Variants in SHOC1 observed in about 807,000 individuals in gnomAD.
SHOC1 encodes protein shortage in chiasmata 1 ortholog.
A neutral mutation model predicts 179.2 loss-of-function variants in SHOC1; 136 were observed. The observed-to-expected ratio is 0.76, with a 90% CI of 0.66 to 0.87. The LOEUF (loss-of-function observed/expected upper bound fraction) is 0.87. Among genes scored for constraint, SHOC1 ranks in the 40% least tolerant of loss-of-function variants. The probability of loss-of-function intolerance (pLI) is 0.00; values close to 1 mark genes in which losing one functional copy is unlikely to be tolerated. For missense variants in SHOC1, 1,538 were observed against 1,700.8 expected (o/e 0.90, Z 1.68); for synonymous variants, 489 against 586.6 (o/e 0.83, Z 2.41).
At chr9:111,727,509 C>A in intron 13 of SHOC1, 124 bp downstream of exon 13, 1 of 842,962 alleles carries the variant, frequency 1.2e-6, no homozygotes, top group Non-Finnish European at 1.7e-6. Context: ...TGACATTTTC[C>A]TTGACTACAA....
chr9:111,721,403 G>C (rs897211233), intron 15 of SHOC1, among the ~76,000 whole-genome samples: 1 of 152,146 alleles, frequency 6.6e-6, no homozygotes, highest in African/African-American at 2.4e-5. Context: ...GCAGTGGTGT[G>C]ATCTCAGCTC....
rs377349215 is a variant in SHOC1, at chr9:111,722,392, C to T, written c.2131+17G>A. ...AAGCATATCTTTTTAAATAACGTGA[C>T]TTTTATTTGTACTCACCTTGGCGAA... is the stretch of plus-strand genomic sequence containing the variant. On this transcript the variant is annotated intron_variant, in intron 15 of 27. Transcript: ENST00000682961. The T allele has an allele frequency of 1.9e-5, 30 of 1,567,052 alleles. No individual in the cohort carries two copies. The highest frequency in any genetic ancestry group is 2.4e-5 in the Non-Finnish European group (28 of 1,163,948).
At chr9:111,776,220 A>T (rs1835827702) in intron 4 of SHOC1, among the ~76,000 whole-genome samples, 1 of 151,960 alleles carries the variant, frequency 6.6e-6, no homozygotes. Context: ...TGTAAAAAAA[A>T]TGAAGAATGA....
chr9:111,755,668 C>T (rs1834820268), intron 8 of SHOC1, among the ~76,000 whole-genome samples: 1 of 152,118 alleles, frequency 6.6e-6, no homozygotes, highest in Non-Finnish European at 1.5e-5. Context: ...GTGAGCCTCT[C>T]CATAGTTAAC....
chr9:111,705,178 C>CACACACACAA (rs1564111587), intron 21 of SHOC1, 69 bp downstream of exon 21: 1 of 600,040 alleles, frequency 1.7e-6, no homozygotes, highest in East Asian at 3.1e-5. Context: ...TATACACACA[C>CACACACACAA]ACACACACAC....
chr9:111,768,945 G>A (rs141391619), intron 5 of SHOC1, among the ~76,000 whole-genome samples: 11 of 152,034 alleles, frequency 7.2e-5, no homozygotes, highest in African/African-American at 2.7e-4. Context: ...CTATTTTGAT[G>A]ATGGTTTTTA....
rs548476368 is a variant in SHOC1 at position 111,748,079 on chromosome 9, T to G, written c.970+13A>C. The G allele has an allele frequency of 3.0e-5, 47 of 1,573,818 alleles. 1 individual carries two copies. The South Asian group carries it at 4.6e-4, about 15-fold the overall frequency. On this transcript the variant is annotated intron_variant, in intron 9 of 27. Transcript: ENST00000682961. Reference sequence around the variant, plus strand: ...AATCCCCAATAAGCTCAATGATTTATCAAAATTTCTACCTGGTTTACTGCA... The same window carrying G: ...AATCCCCAATAAGCTCAATGATTTAGCAAAATTTCTACCTGGTTTACTGCA...
chr9:111,724,287 C>A (rs1480178854), intron 13 of SHOC1, among the ~76,000 whole-genome samples: 1 of 152,116 alleles, frequency 6.6e-6, no homozygotes, highest in African/African-American at 2.4e-5. Context: ...TACTAACCCT[C>A]TCCTCTGTCC....
intron 2 of SHOC1, among the ~76,000 whole-genome samples, chr9:111,786,390 G>A (rs550825349): frequency 2.6e-5 from 4 of 151,974 alleles, no homozygotes; most frequent in Admixed American, 6.5e-5. Flanking sequence ...AGCCGAGATC[G>A]CGCCACTGCA....
At chr9:111,791,586 C>T in intron 1 of SHOC1, 132 bp from the exon 2 acceptor site, 1 of 374,682 alleles carries the variant, frequency 2.7e-6, no homozygotes, top group South Asian at 9.7e-5. Flanking sequence ...AAATAATATA[C>T]ATTACTATAA....
At chr9:111,728,226 G>T (rs1833398596) in intron 12 of SHOC1, among the ~76,000 whole-genome samples, 177 bp from the exon 13 acceptor site, 1 of 152,046 alleles carries the variant, frequency 6.6e-6, no homozygotes, top group Middle Eastern at 3.2e-3. Context: ...TTTTAAAAAG[G>T]ATCAAAATTT....
chr9:111,792,021 G>A (rs1007978008), intron 1 of SHOC1, among the ~76,000 whole-genome samples: 8 of 152,316 alleles, frequency 5.3e-5, no homozygotes, highest in African/African-American at 1.9e-4. Flanking sequence ...GAAACAATTT[G>A]TGAAACTGTT....
chr9:111,775,900 G>A lies in SHOC1; in HGVS notation c.333C>T (p.Ser111=). ...AACTGACCTCCTCTACTTCAATTTG[G>A]GAGTCTGGATTTGAACTTGGAACAA... is the stretch of plus-strand genomic sequence containing the variant. The part of the protein sequence containing the change: ...EEVVPSSNPD[S]QIEVEEVSLY... The change falls in exon 5 of 28, where the codon TCC becomes TCT. Residue 111 remains serine (S), a synonymous_variant. Coordinates refer to ENST00000682961, the MANE Select transcript of SHOC1 (RefSeq NM_001378211.1). The A allele has an allele frequency of 6.2e-7, 1 of 1,613,440 alleles. No individual in the cohort carries two copies. Among genetic ancestry groups the A allele is most frequent in the Non-Finnish European group, 8.5e-7 (1 of 1,179,668 alleles).
rs150999638 is a variant in SHOC1, at chr9:111,789,885, G to A, written c.45+1489C>T. Among the ~76,000 whole-genome samples the A allele has an allele frequency of 3.7e-3, 570 of 152,260 alleles. 5 individuals carry two copies. Among genetic ancestry groups the A allele is most frequent in the Non-Finnish European group, 6.0e-3 (411 of 68,022 alleles). On this transcript the variant is annotated intron_variant, in intron 2 of 27. Transcript: ENST00000682961. ...ACATTTGCTTCTCTCAGTTATGAGG[G>A]AATAATAAAACCAGAAGATGCCTGC...
intron 8 of SHOC1, 52 bp from the exon 9 acceptor site, chr9:111,748,251 C>A (rs1336478112): frequency 6.2e-6 from 8 of 1,292,290 alleles, no homozygotes; most frequent in African/African-American, 2.9e-5. Flanking sequence ...AATTAATTTT[C>A]TGTAACCTTG....
At chr9:111,700,185 G>GTT in intron 23 of SHOC1, 138 bp from the exon 24 acceptor site, 1 of 461,490 alleles carries the variant, frequency 2.2e-6, no homozygotes, top group Non-Finnish European at 3.7e-6. Flanking sequence ...AAATTTGTGG[G>GTT]GTTTTTTTTT....
At position 111,706,310 on chromosome 9, in the gene SHOC1, T is replaced by C. The variant is rs566361940; in HGVS notation, c.2737+258A>G. Among the ~76,000 whole-genome samples the C allele has an allele frequency of 9.7e-4, 148 of 152,162 alleles. 1 individual carries two copies. In the Middle Eastern group the frequency reaches 0.01, roughly 10 times the overall value. ...AAGATTGGATATAAATGTAATAAAA[T>C]TGTGCTATTATAAGTAAAATTTAGA... On this transcript the variant is annotated intron_variant, in intron 20 of 27. Coordinates refer to ENST00000682961, the MANE Select transcript of SHOC1 (RefSeq NM_001378211.1).
At chr9:111,716,536 G>A (rs956403156) in intron 16 of SHOC1, among the ~76,000 whole-genome samples, 1 of 151,768 alleles carries the variant, frequency 6.6e-6, no homozygotes, top group Non-Finnish European at 1.5e-5. Flanking sequence ...GACTACAGGT[G>A]TGCACCACCA....
intron 2 of SHOC1, among the ~76,000 whole-genome samples, chr9:111,788,341 T>C (rs1286673071): frequency 6.6e-6 from 1 of 152,182 alleles, no homozygotes; most frequent in East Asian, 1.9e-4. Context: ...GAGACAGGGT[T>C]TTGCCATGTT....
Sources: allele counts gnomAD v4.1 joint callset (sites outside exome capture counted in the v4.1 genomes callset), GRCh38; gene constraint gnomAD v4.1.1; transcripts MANE v1.5; gene names NCBI Gene and HGNC (gene_info 2026-07-23, HGNC 2026-07-21).